Variants in NT5DC3 observed in about 807,000 individuals in gnomAD.
The protein encoded by NT5DC3 is 5'-nucleotidase domain-containing protein 3.
Under a neutral mutation model 67.8 loss-of-function variants are expected in NT5DC3, and 42 were observed. That is an observed-to-expected ratio of 0.62 (90% CI 0.48 to 0.80). The LOEUF (loss-of-function observed/expected upper bound fraction) is 0.80. Among genes scored for constraint, NT5DC3 ranks in the 30% least tolerant of loss-of-function variants. The pLI is 0.00. For missense variants in NT5DC3, 570 were observed against 696.4 expected, an observed-to-expected ratio of 0.82 and a Z score of 2.04; for synonymous variants, 237 against 255.6, an observed-to-expected ratio of 0.93 and a Z score of 0.69.
At chr12:103,797,262 G>A (rs1566109046) in intron 5 of NT5DC3, among the ~76,000 whole-genome samples, 1 of 152,158 alleles carries the variant, frequency 6.6e-6, no homozygotes, top group Non-Finnish European at 1.5e-5. Flanking sequence ...CTGAGGTCAG[G>A]AGTTCAAGAT....
chr12:103,755,278 A>T, the NT5DC3 span: 5 of 1,611,114 alleles, frequency 3.1e-6, no homozygotes, highest in Non-Finnish European at 4.2e-6. Context: ...CAGCTGACCC[A>T]TGGCCCTGTC....
chr12:103,810,518 TG>T (rs1171463187), intron 2 of NT5DC3, among the ~76,000 whole-genome samples: 6 of 152,254 alleles, frequency 3.9e-5, no homozygotes, highest in African/African-American at 1.4e-4. Flanking sequence ...TGGAGATAAC[TG>T]GTATCCCTAA....
intron 1 of NT5DC3, among the ~76,000 whole-genome samples, chr12:103,816,837 G>A (rs186908684): frequency 5.8e-4 from 88 of 152,290 alleles, no homozygotes; most frequent in African/African-American, 2.0e-3. Flanking sequence ...TTAAGATAGT[G>A]CAGTAGTGAA....
the NT5DC3 span, chr12:103,749,132 C>T: frequency 5.6e-4 from 899 of 1,606,226 alleles, 11 homozygotes; most frequent in African/African-American, 9.7e-3. Context: ...GTCACGAGCA[C>T]GCCACCTGTA....
At chr12:103,803,693 T>C (rs1202676766) in intron 4 of NT5DC3, among the ~76,000 whole-genome samples, 5 of 152,132 alleles carry the variant, frequency 3.3e-5, no homozygotes, top group Non-Finnish European at 7.4e-5. Flanking sequence ...TGAGTCCCCA[T>C]CATTTAGCTT....
chr12:103,793,884 GC>G (rs1412386026), intron 7 of NT5DC3, 52 bp downstream of exon 7: 1 of 1,457,870 alleles, frequency 6.9e-7, no homozygotes. Flanking sequence ...CGGCATGGTT[GC>G]AAAAGAAACA....
At chr12:103,763,301 T>A in the NT5DC3 span, 3 of 609,008 alleles carry the variant, frequency 4.9e-6, no homozygotes, top group African/African-American at 5.5e-5. Flanking sequence ...TGGGCAGACA[T>A]CGGTAAGATG....
chr12:103,768,191 C>G (rs1040227911), downstream of NT5DC3, among the ~76,000 whole-genome samples: 3 of 151,576 alleles, frequency 2.0e-5, no homozygotes, highest in African/African-American at 7.3e-5. Context: ...TCCCAGCACT[C>G]TGGGAGGCCC....
chr12:103,748,365 T>C, the NT5DC3 span, among the ~76,000 whole-genome samples: 1 of 152,084 alleles, frequency 6.6e-6, no homozygotes, highest in African/African-American at 2.4e-5. Context: ...TGGGTCGATA[T>C]TTGGGGGATC....
chr12:103,759,867 A>T, the NT5DC3 span, among the ~76,000 whole-genome samples: 1 of 152,248 alleles, frequency 6.6e-6, no homozygotes, highest in African/African-American at 2.4e-5. Context: ...GAATCAAGGG[A>T]ACCCTCATAT....
intron 4 of NT5DC3, among the ~76,000 whole-genome samples, chr12:103,803,867 C>T (rs757006340): frequency 2.3e-5 from 3 of 127,918 alleles, no homozygotes; most frequent in African/African-American, 5.3e-5. Flanking sequence ...CCACCCCCCC[C>T]CCAAAAAAAT....
intron 1 of NT5DC3, among the ~76,000 whole-genome samples, chr12:103,832,254 C>A (rs10861116): frequency 0.18 from 27,564 of 151,710 alleles, 2,649 homozygotes; most frequent in Middle Eastern, 0.31. Context: ...GAACTCTTGA[C>A]GGTTAGAGGA....
chr12:103,806,187 C>T (rs1886792456), intron 4 of NT5DC3, 135 bp downstream of exon 4: 1 of 668,654 alleles, frequency 1.5e-6, no homozygotes, highest in Non-Finnish European at 2.7e-6. Flanking sequence ...TCAACAAATG[C>T]TCTTGAGTAA....
At chr12:103,797,388 T>G (rs1014356580) in intron 5 of NT5DC3, among the ~76,000 whole-genome samples, 7 of 151,738 alleles carry the variant, frequency 4.6e-5, no homozygotes, top group African/African-American at 1.7e-4. Flanking sequence ...GAGAATCGCT[T>G]GAACCCAAGA....
chr12:103,750,686 T>G, the NT5DC3 span: 1 of 1,614,172 alleles, frequency 6.2e-7, no homozygotes. Context: ...GGCAGTGCCA[T>G]GCAGACGCCA....
At chr12:103,812,079 C>G (rs931895605) in intron 2 of NT5DC3, among the ~76,000 whole-genome samples, 17 of 152,038 alleles carry the variant, frequency 1.1e-4, no homozygotes, top group South Asian at 2.1e-4. Context: ...AAAATATAGA[C>G]AGTTATTACT....
At chr12:103,746,791 C>T in the NT5DC3 span, 29 of 1,354,588 alleles carry the variant, frequency 2.1e-5, no homozygotes, top group Non-Finnish European at 3.0e-5. Flanking sequence ...TTCATCCTAG[C>T]CCTCCTTCCT....
At chr12:103,810,351 T>C (rs943000963) in intron 2 of NT5DC3, among the ~76,000 whole-genome samples, 1 of 152,118 alleles carries the variant, frequency 6.6e-6, no homozygotes, top group African/African-American at 2.4e-5. Flanking sequence ...CTGTTAACAG[T>C]GACATCCAGC....
the NT5DC3 span, among the ~76,000 whole-genome samples, chr12:103,751,181 G>A: frequency 7.3e-4 from 111 of 152,198 alleles, 2 homozygotes; most frequent in Non-Finnish European, 1.5e-4. Flanking sequence ...TCTCTCCAGG[G>A]TTGGGTTTGT....
Sources: allele counts gnomAD v4.1 joint callset (sites outside exome capture counted in the v4.1 genomes callset), GRCh38; gene constraint gnomAD v4.1.1; transcripts MANE v1.5; gene names NCBI Gene and HGNC (gene_info 2026-07-23, HGNC 2026-07-21).